DLGAP1: variants seen among roughly 807,000 people sequenced by gnomAD.
DLGAP1 encodes DLG associated protein 1, also known as disks large-associated protein 1.
DLGAP1 carries 11 observed loss-of-function variants against 90.8 expected under a neutral mutation model. The observed-to-expected ratio is 0.12, with a 90% CI of 0.08 to 0.20. The LOEUF (loss-of-function observed/expected upper bound fraction) is 0.20. DLGAP1 is among the 10% of genes least tolerant of loss of function. The probability of loss-of-function intolerance (pLI) is 1.00; values close to 1 mark genes in which losing one functional copy is unlikely to be tolerated. For synonymous variants in DLGAP1, 558 were observed against 540.7 expected, an observed-to-expected ratio of 1.03 and a Z score of -0.44; for missense variants, 1,050 against 1,333.8, an observed-to-expected ratio of 0.79 and a Z score of 3.31.
chr18:3,639,152 T>C (rs1011472423), intron 7 of DLGAP1, among the ~76,000 whole-genome samples: 6 of 152,158 alleles, frequency 3.9e-5, no homozygotes, highest in Admixed American at 6.5e-5. Context: ...GGTCAGGAGT[T>C]TGAGACCAGC....
chr18:3,874,248 A>T, intron 4 of DLGAP1: 3 of 1,549,834 alleles, frequency 1.9e-6, no homozygotes, highest in Non-Finnish European at 2.6e-6. Context: ...CTAAAATTTC[A>T]TCTCTGGGAG....
At chr18:3,807,182 T>C (rs2066606128) in intron 5 of DLGAP1, among the ~76,000 whole-genome samples, 2 of 152,340 alleles carry the variant, frequency 1.3e-5, no homozygotes, top group Middle Eastern at 6.8e-3. Context: ...TGCAGGCTTC[T>C]GACGCCCCTT....
chr18:3,652,351 AG>A (rs2059343805), intron 7 of DLGAP1, among the ~76,000 whole-genome samples: 1 of 152,026 alleles, frequency 6.6e-6, no homozygotes, highest in South Asian at 2.1e-4. Context: ...TTTTAGAGAC[AG>A]GGTCTCGCTC....
intron 12 of DLGAP1, chr18:3,502,261 T>C (rs2049979364): frequency 1.5e-6 from 2 of 1,345,166 alleles, no homozygotes; most frequent in South Asian, 2.3e-5. Flanking sequence ...AAAAGCCACA[T>C]TCCCATTTTC....
intron 2 of DLGAP1, among the ~76,000 whole-genome samples, chr18:4,051,479 G>A (rs2075133310): frequency 6.6e-6 from 1 of 152,174 alleles, no homozygotes; most frequent in South Asian, 2.1e-4. Context: ...AAGATCTTGT[G>A]AGAACTCACT....
intron 7 of DLGAP1, among the ~76,000 whole-genome samples, chr18:3,672,259 T>C (rs1053175906): frequency 2.0e-5 from 3 of 150,524 alleles, no homozygotes; most frequent in African/African-American, 7.3e-5. Flanking sequence ...AATTTGCTCT[T>C]TGGCTTCTAC....
chr18:3,580,194 C>G, intron 8 of DLGAP1: 1 of 1,517,806 alleles, frequency 6.6e-7, no homozygotes, highest in South Asian at 1.1e-5. Context: ...AGCCAGACGT[C>G]CAAAGTCAAA....
intron 5 of DLGAP1, among the ~76,000 whole-genome samples, chr18:3,808,282 G>A (rs1443763067): frequency 1.3e-5 from 2 of 152,110 alleles, no homozygotes; most frequent in South Asian, 4.2e-4. Context: ...GGAGTTAGAA[G>A]TATAGAGGAT....
At chr18:4,202,037 G>A (rs1212468020) in intron 1 of DLGAP1, among the ~76,000 whole-genome samples, 2 of 151,992 alleles carry the variant, frequency 1.3e-5, no homozygotes, top group African/African-American at 4.8e-5. Context: ...GTTTATTGCA[G>A]CATAATTCAT....
chr18:4,404,461 C>A (rs2082621265), intron 1 of DLGAP1, among the ~76,000 whole-genome samples: 1 of 151,950 alleles, frequency 6.6e-6, no homozygotes. Flanking sequence ...TAAACAACAA[C>A]AAAATATAAA....
chr18:3,845,538 C>A, intron 4 of DLGAP1: 1 of 985,360 alleles, frequency 1.0e-6, no homozygotes, highest in Non-Finnish European at 1.2e-6. Flanking sequence ...TCAGCCTGTG[C>A]AATTTTGCAT....
intron 1 of DLGAP1, among the ~76,000 whole-genome samples, chr18:4,301,931 T>G (rs376538775): frequency 6.6e-5 from 10 of 152,344 alleles, no homozygotes; most frequent in African/African-American, 2.4e-4. Flanking sequence ...GTCATTTGCA[T>G]GACTTCTTTT....
intron 5 of DLGAP1, among the ~76,000 whole-genome samples, chr18:3,751,683 C>T (rs879793964): frequency 1.3e-5 from 2 of 150,962 alleles, no homozygotes; most frequent in South Asian, 2.1e-4. Context: ...CTCAGCCTCC[C>T]GAGTAGCTGG....
chr18:3,689,768 A>C (rs898347172), intron 7 of DLGAP1, among the ~76,000 whole-genome samples: 9 of 152,166 alleles, frequency 5.9e-5, no homozygotes, highest in Non-Finnish European at 1.2e-4. Flanking sequence ...AGTATGTCTT[A>C]AGAAAAAAAA....
intron 7 of DLGAP1, among the ~76,000 whole-genome samples, chr18:3,693,807 C>T (rs991059134): frequency 6.6e-6 from 1 of 152,176 alleles, no homozygotes; most frequent in African/African-American, 2.4e-5. Context: ...AGCATTTAGT[C>T]TCAGCATCTC....
intron 3 of DLGAP1, among the ~76,000 whole-genome samples, chr18:3,893,001 C>A (rs1289173684): frequency 1.3e-5 from 2 of 151,142 alleles, no homozygotes; most frequent in African/African-American, 4.9e-5. Context: ...TTTAGTGTAG[C>A]CATCCCCCAA....
In DLGAP1 at chr18:4,319,216, G is replaced by C. The variant is rs148874158; in HGVS notation, c.-267+135790C>G. Among the ~76,000 whole-genome samples, 106 of 152,228 alleles carry C rather than the reference G, an allele frequency of 7.0e-4. 2 individuals carry two copies. The East Asian group carries it at 0.016, about 22-fold the overall frequency. On this transcript the variant is annotated intron_variant, in intron 1 of 12. Transcript: ENST00000315677. ...TCCTAGCATATACTTGTTTTACTAA[G>C]AGCTACCTCTGTGGTAACAGTTTAA...
At chr18:4,014,084 C>CT (rs11422016) in intron 2 of DLGAP1, 32,457 of 126,376 alleles carry the variant, frequency 0.26, 4,899 homozygotes, top group Non-Finnish European at 0.3. Flanking sequence ...ACTTAGCCCA[C>CT]TTTTTTTTTT....
chr18:4,372,509 C>T (rs991483576), intron 1 of DLGAP1, among the ~76,000 whole-genome samples: 1 of 152,168 alleles, frequency 6.6e-6, no homozygotes, highest in African/African-American at 2.4e-5. Flanking sequence ...TGTCACTACT[C>T]CTGACTGGAA....
Sources: gnomAD v4.1 joint callset for allele counts (sites outside exome capture counted in the v4.1 genomes callset) on GRCh38, gnomAD v4.1.1 for gene constraint, MANE v1.5 for transcripts, NCBI Gene and HGNC (gene_info 2026-07-23, HGNC 2026-07-21) for gene names.